TTLL11: variants seen among roughly 807,000 people sequenced by gnomAD.
TTLL11 encodes the protein tubulin polyglutamylase TTLL11.
Under a neutral mutation model 51.7 loss-of-function variants are expected in TTLL11, and 42 were observed. The observed-to-expected ratio is 0.81, with a 90% confidence interval of 0.64 to 1.05. TTLL11 has a LOEUF of 1.05. Among genes scored for constraint, TTLL11 ranks in the 50% least tolerant of loss-of-function variants. The pLI is 0.00. For synonymous variants in TTLL11, 381 were observed against 383.5 expected (o/e 0.99, Z 0.08); for missense variants, 799 against 940.4 (o/e 0.85, Z 1.97).
At chr9:121,869,155 G>C (rs1199392967) in intron 7 of TTLL11, among the ~76,000 whole-genome samples, 1 of 151,876 alleles carries the variant, frequency 6.6e-6, no homozygotes, top group Non-Finnish European at 1.5e-5. Context: ...TGAAACTAAC[G>C]CAAAGCCCTT....
At chr9:121,841,727 G>A (rs896546615) in intron 8 of TTLL11, among the ~76,000 whole-genome samples, 6 of 152,068 alleles carry the variant, frequency 3.9e-5, no homozygotes, top group African/African-American at 9.7e-5. Flanking sequence ...GATTATTATC[G>A]TTGGGCCAGA....
At chr9:121,854,331 C>T (rs1224253599) in intron 8 of TTLL11, among the ~76,000 whole-genome samples, 1 of 152,148 alleles carries the variant, frequency 6.6e-6, no homozygotes, top group Admixed American at 6.5e-5. Context: ...AGATAATAAA[C>T]AATGCCATTC....
At chr9:122,087,691 ACT>A (rs944415905) in intron 1 of TTLL11, among the ~76,000 whole-genome samples, 7 of 152,032 alleles carry the variant, frequency 4.6e-5, no homozygotes, top group African/African-American at 1.7e-4. Context: ...AGTGGCGTCT[ACT>A]CTCTATGGTG....
intron 6 of TTLL11, among the ~76,000 whole-genome samples, chr9:121,877,568 G>A (rs1011823186): frequency 6.6e-6 from 1 of 152,024 alleles, no homozygotes. Flanking sequence ...CACAAACCCC[G>A]GTCAGGCCAC....
intron 1 of TTLL11, among the ~76,000 whole-genome samples, chr9:122,079,430 G>T (rs747997861): frequency 6.6e-5 from 10 of 152,060 alleles, no homozygotes; most frequent in Non-Finnish European, 1.5e-4. Flanking sequence ...TATCAAAACT[G>T]GCTGGGTGCA....
chr9:121,983,457 C>T (rs191100304), intron 4 of TTLL11, among the ~76,000 whole-genome samples: 16 of 152,226 alleles, frequency 1.1e-4, no homozygotes, highest in African/African-American at 2.9e-4. Context: ...ATGGGGGCTA[C>T]GCGGGATCAT....
chr9:121,982,598 T>C (rs749665418), intron 4 of TTLL11, among the ~76,000 whole-genome samples: 16 of 151,382 alleles, frequency 1.1e-4, no homozygotes, highest in Admixed American at 3.3e-4. Flanking sequence ...GGCGGGTAGC[T>C]GTAATCCAGC....
intron 1 of TTLL11, among the ~76,000 whole-genome samples, chr9:122,053,660 T>A (rs1270235500): frequency 3.3e-5 from 5 of 152,036 alleles, no homozygotes; most frequent in Non-Finnish European, 5.9e-5. Flanking sequence ...GGGTGGGGAC[T>A]GGGCCCAGAA....
chr9:121,990,786 C>G (rs140393391), intron 3 of TTLL11, among the ~76,000 whole-genome samples: 242 of 152,268 alleles, frequency 1.6e-3, no homozygotes, highest in African/African-American at 5.6e-3. Flanking sequence ...AAGATCCCGT[C>G]GTCCACAGTA....
chr9:122,086,533 C>A (rs1450198675), intron 1 of TTLL11, among the ~76,000 whole-genome samples: 1 of 152,060 alleles, frequency 6.6e-6, no homozygotes, highest in Non-Finnish European at 1.5e-5. Context: ...TATACTCTAC[C>A]TTCTTCCAGA....
intron 1 of TTLL11, among the ~76,000 whole-genome samples, chr9:122,083,897 A>G (rs2131927188): frequency 6.6e-6 from 1 of 152,298 alleles, no homozygotes; most frequent in Non-Finnish European, 1.5e-5. Context: ...GGGAGGATGG[A>G]AAGGGAGGGG....
chr9:121,914,775 T>G (rs1840263919), intron 6 of TTLL11, among the ~76,000 whole-genome samples: 1 of 152,164 alleles, frequency 6.6e-6, no homozygotes, highest in Non-Finnish European at 1.5e-5. Flanking sequence ...GAGTGCTGCT[T>G]GGGAGCACCA....
In TTLL11 at chr9:121,820,800, GC is replaced by G. The variant is rs1836554963; in HGVS notation, c.*1786del. ...CCAGTGCCACCTTCCCACCTGTCCT[GC>G]CTTCTGCTTGGGAAAATAAAGTGAT... On this transcript the variant is annotated 3_prime_UTR_variant, in exon 9 of 9. Transcript: ENST00000321582. 6.6e-6 allele frequency among the ~76,000 whole-genome samples: 1 copy of G among 151,388 alleles called. No individual in the cohort carries two copies. The highest frequency in any genetic ancestry group is 1.5e-5 in the Non-Finnish European group (1 of 67,876).
chr9:121,985,354 G>C (rs140831540), intron 4 of TTLL11, among the ~76,000 whole-genome samples: 146 of 152,196 alleles, frequency 9.6e-4, no homozygotes, highest in Non-Finnish European at 1.6e-3. Context: ...ACTTATACAA[G>C]AATACACAGC....
At chr9:122,008,293 A>G (rs55687716) in intron 3 of TTLL11, among the ~76,000 whole-genome samples, 2,489 of 152,352 alleles carry the variant, frequency 0.016, 54 homozygotes, top group African/African-American at 0.057. Context: ...ATAAAGAGAC[A>G]ACCTATGGAA....
At chr9:122,048,339 T>C (rs903609089) in intron 1 of TTLL11, among the ~76,000 whole-genome samples, 5 of 151,966 alleles carry the variant, frequency 3.3e-5, no homozygotes, top group East Asian at 1.9e-4. Context: ...ACTATATCTT[T>C]TACTTTTTGT....
At chr9:121,904,085 C>G (rs1218117627) in intron 6 of TTLL11, among the ~76,000 whole-genome samples, 2 of 152,074 alleles carry the variant, frequency 1.3e-5, no homozygotes, top group African/African-American at 4.8e-5. Context: ...CTTGGGGGAA[C>G]AGCATTTGGA....
At chr9:121,967,807 G>T (rs1420047694) in intron 6 of TTLL11, among the ~76,000 whole-genome samples, 1 of 152,170 alleles carries the variant, frequency 6.6e-6, no homozygotes, top group African/African-American at 2.4e-5. Context: ...ATATTATTCA[G>T]CTGTAAAAAG....
intron 3 of TTLL11, among the ~76,000 whole-genome samples, chr9:122,008,663 A>T (rs1443578836): frequency 6.6e-6 from 1 of 152,238 alleles, no homozygotes; most frequent in Admixed American, 6.5e-5. Flanking sequence ...TAAAAATAGA[A>T]CTACCCATCA....
Sources: gnomAD v4.1 joint callset for allele counts (sites outside exome capture counted in the v4.1 genomes callset) on GRCh38, gnomAD v4.1.1 for gene constraint, MANE v1.5 for transcripts, NCBI Gene and HGNC (gene_info 2026-07-23, HGNC 2026-07-21) for gene names.